MEMO1: variants seen among roughly 807,000 people sequenced by gnomAD.
MEMO1 encodes protein MEMO1.
A neutral mutation model predicts 45.2 loss-of-function variants in MEMO1; 6 were observed. That is an observed-to-expected ratio of 0.13 (90% confidence interval 0.07 to 0.26). The LOEUF (loss-of-function observed/expected upper bound fraction) is 0.26, where lower values mean the gene tolerates loss of function less well. Ranked by LOEUF, MEMO1 falls within the 10% of genes least tolerant of loss-of-function variation. MEMO1 has a pLI of 1.00. For synonymous variants in MEMO1, 78 were observed against 124.3 expected, an observed-to-expected ratio of 0.63 and a Z score of 2.48; for missense variants, 184 against 370.5, an observed-to-expected ratio of 0.50 and a Z score of 4.13.
intron 6 of MEMO1, among the ~76,000 whole-genome samples, chr2:31,908,195 A>G (rs373771583): frequency 1.3e-5 from 2 of 152,136 alleles, no homozygotes; most frequent in Non-Finnish European, 2.9e-5. Context: ...TTTCCTAAAC[A>G]TTCTTGACCC....
chr2:31,970,832 C>T (rs151300877), intron 2 of MEMO1, among the ~76,000 whole-genome samples: 31 of 152,096 alleles, frequency 2.0e-4, no homozygotes, highest in Non-Finnish European at 4.0e-4. Flanking sequence ...GGTGAAACCC[C>T]GTCTCTACTA....
intron 6 of MEMO1, among the ~76,000 whole-genome samples, chr2:31,907,267 A>G (rs1679892231): frequency 6.6e-6 from 1 of 152,182 alleles, no homozygotes; most frequent in African/African-American, 2.4e-5. Context: ...TATACTTAGT[A>G]CATTTTGAAT....
rs372590777 is a variant in MEMO1, at chr2:31,898,716, T to C, written c.438-6582A>G. On this transcript the variant is annotated intron_variant, in intron 6 of 9. Transcript: ENST00000404530. ...GATTTGGGGTAGAGAGTTCCCCAGATGTCTATTAGGTCTGCGTGGTCCAGA... is the reference window on the plus strand; with the variant it reads ...GATTTGGGGTAGAGAGTTCCCCAGACGTCTATTAGGTCTGCGTGGTCCAGA... Among the ~76,000 whole-genome samples the C allele has an allele frequency of 1.6e-4, 24 of 152,338 alleles. 2 individuals are homozygous for C. The highest frequency in any genetic ancestry group is 5.8e-4 in the African/African-American group (24 of 41,584).
intron 2 of MEMO1, among the ~76,000 whole-genome samples, chr2:32,004,841 T>C (rs924172856): frequency 6.6e-6 from 1 of 151,232 alleles, no homozygotes; most frequent in African/African-American, 2.4e-5. Context: ...GCAGGAGAAC[T>C]GCTTGAACCC....
chr2:31,967,727 G>A (rs1359069346), intron 2 of MEMO1, among the ~76,000 whole-genome samples: 1 of 152,146 alleles, frequency 6.6e-6, no homozygotes, highest in Non-Finnish European at 1.5e-5. Context: ...AACAGGGCAT[G>A]AGCCACCATG....
intron 6 of MEMO1, among the ~76,000 whole-genome samples, chr2:31,902,031 C>A (rs982227152): frequency 6.6e-6 from 1 of 151,992 alleles, no homozygotes. Flanking sequence ...CCCAGCTACT[C>A]GGGAAGCTGA....
intron 5 of MEMO1, among the ~76,000 whole-genome samples, chr2:31,919,103 C>T (rs1166059631): frequency 1.3e-5 from 2 of 151,536 alleles, no homozygotes; most frequent in South Asian, 2.1e-4. Context: ...TGCAAATGGA[C>T]TCTTTTATTA....
chr2:31,931,428 T>C lies in MEMO1; in HGVS notation c.212+639A>G, dbSNP rs1181241897. Among the ~76,000 whole-genome samples, 5 of 152,204 alleles carry C rather than the reference T, an allele frequency of 3.3e-5. No individual in the cohort carries two copies. The East Asian group carries it at 9.6e-4, about 29-fold the overall frequency. On this transcript the variant is annotated intron_variant, in intron 4 of 9. Transcript: ENST00000404530. ...CTGGCAAAGAAGGGCCAGATATTGG[T>C]TCATATCTAGTAAATTAACTGTGTA...
At chr2:31,891,897 T>G in intron 7 of MEMO1, 95 bp downstream of exon 7, 1 of 1,285,920 alleles carries the variant, frequency 7.8e-7, no homozygotes, top group Non-Finnish European at 1.1e-6. Flanking sequence ...CCAAGGAAAG[T>G]GATAAAAAAC....
chr2:31,870,348 G>A (rs1413642879), intron 8 of MEMO1, among the ~76,000 whole-genome samples: 1 of 152,010 alleles, frequency 6.6e-6, no homozygotes, highest in Non-Finnish European at 1.5e-5. Context: ...TTTATTTTGT[G>A]GCTGTTTTCT....
At chr2:31,954,483 C>T (rs948671414) in intron 2 of MEMO1, among the ~76,000 whole-genome samples, 1 of 152,000 alleles carries the variant, frequency 6.6e-6, no homozygotes, top group Non-Finnish European at 1.5e-5. Context: ...ATAATTCTTA[C>T]TCCTATAATA....
chr2:31,898,957 A>G (rs537681807), intron 6 of MEMO1, among the ~76,000 whole-genome samples: 6 of 152,238 alleles, frequency 3.9e-5, no homozygotes, highest in African/African-American at 1.4e-4. Context: ...TCCCTTTACC[A>G]TTATGTAATG....
chr2:31,969,574 G>GGTGT (rs1217308309), intron 2 of MEMO1, among the ~76,000 whole-genome samples: 1 of 110,706 alleles, frequency 9.0e-6, no homozygotes, highest in African/African-American at 3.7e-5. Context: ...CTTTTCTGGG[G>GGTGT]GTGTGTGTGT....
chr2:31,874,575 AAT>A (rs1211158177), intron 8 of MEMO1, among the ~76,000 whole-genome samples: 1 of 152,062 alleles, frequency 6.6e-6, no homozygotes, highest in Non-Finnish European at 1.5e-5. Context: ...TATATTTAGT[AAT>A]AGTTTTCAGT....
intron 6 of MEMO1, among the ~76,000 whole-genome samples, chr2:31,909,773 A>G (rs1251522139): frequency 6.6e-6 from 1 of 152,162 alleles, no homozygotes; most frequent in African/African-American, 2.4e-5. Flanking sequence ...AAAATTTATA[A>G]AAGGTATAAC....
intron 2 of MEMO1, among the ~76,000 whole-genome samples, chr2:31,978,733 C>A (rs1670300268): frequency 6.6e-6 from 1 of 152,182 alleles, no homozygotes; most frequent in Non-Finnish European, 1.5e-5. Context: ...AATGCATATT[C>A]TCATTTTGAG....
chr2:31,910,689 G>T (rs1433902371), intron 6 of MEMO1, among the ~76,000 whole-genome samples: 1 of 152,010 alleles, frequency 6.6e-6, no homozygotes, highest in Admixed American at 6.6e-5. Context: ...GTGAGACCCT[G>T]TCTCTACAAA....
At chr2:31,971,889 G>A (rs568508137) in intron 2 of MEMO1, among the ~76,000 whole-genome samples, 82 of 152,196 alleles carry the variant, frequency 5.4e-4, no homozygotes, top group African/African-American at 1.9e-3. Context: ...AAAATTGCTT[G>A]AGCCCAGGAG....
chr2:31,941,990 T>A (rs983843882), intron 3 of MEMO1, among the ~76,000 whole-genome samples: 1 of 152,156 alleles, frequency 6.6e-6, no homozygotes, highest in African/African-American at 2.4e-5. Flanking sequence ...CTTAACCCAA[T>A]AGAAGTCACA....
Sources: gnomAD v4.1 joint callset for allele counts (sites outside exome capture counted in the v4.1 genomes callset) on GRCh38, gnomAD v4.1.1 for gene constraint, MANE v1.5 for transcripts, NCBI Gene and HGNC (gene_info 2026-07-23, HGNC 2026-07-21) for gene names.